AVEN: variants seen among roughly 807,000 people sequenced by gnomAD.
AVEN encodes the protein cell death regulator Aven.
AVEN carries 41 observed loss-of-function variants against 38.1 expected under a neutral mutation model. The observed-to-expected ratio is 1.08, with a 90% CI of 0.84 to 1.40. The LOEUF is 1.40. AVEN is among the 40% of genes most tolerant of loss of function. The probability of loss-of-function intolerance (pLI) is 0.00; values close to 1 mark genes in which losing one functional copy is unlikely to be tolerated. For synonymous variants in AVEN, 206 were observed against 171.8 expected (o/e 1.20, Z -1.56); for missense variants, 605 against 438.8 (o/e 1.38, Z -3.38).
chr15:34,052,173 G>A (rs1317156197), intron 5 of AVEN, among the ~76,000 whole-genome samples: 1 of 152,096 alleles, frequency 6.6e-6, no homozygotes, highest in African/African-American at 2.4e-5. Context: ...TTCATCCCTG[G>A]GATGCAAGGT....
chr15:34,061,666 G>A (rs917288192), intron 5 of AVEN, among the ~76,000 whole-genome samples: 10 of 152,290 alleles, frequency 6.6e-5, no homozygotes, highest in African/African-American at 1.9e-4. Context: ...TATAAGGAAT[G>A]TATTACTCTA....
chr15:33,885,515 T>G (rs8033236), intron 2 of AVEN: 1 of 152,098 alleles, frequency 6.6e-6, no homozygotes, highest in South Asian at 2.1e-4. Context: ...ACTATGCAAG[T>G]CACTACGGTG....
At position 33,871,044 on chromosome 15, in the gene AVEN, T is replaced by A; in HGVS notation, c.517-14A>T. ...AAATGCTGAATTCTATATATATATA[T>A]AAAAGAAAATAAAATATCAGGTGAT... On this transcript the variant is annotated splice_polypyrimidine_tract_variant and intron_variant, in intron 3 of 5. Transcript: ENST00000306730. 1.5e-6 allele frequency: 2 copies of A among 1,335,388 alleles called. No individual in the cohort carries two copies. The highest frequency in any genetic ancestry group is 2.8e-5 in the Admixed American group (1 of 35,898). The allele number at this position is 1,335,388 out of a possible 1,614,324, so 82.7% of individuals were successfully genotyped here. A position where few individuals can be genotyped will look rare whatever the true frequency, so the allele number is the denominator to read the frequency against.
At chr15:33,875,403 A>G (rs1891176037) in intron 3 of AVEN, among the ~76,000 whole-genome samples, 1 of 152,308 alleles carries the variant, frequency 6.6e-6, no homozygotes, top group East Asian at 1.9e-4. Context: ...GGAAGAAAAT[A>G]TTACATACAC....
intron 2 of AVEN, among the ~76,000 whole-genome samples, chr15:33,988,444 C>G (rs995595573): frequency 1.3e-5 from 2 of 152,052 alleles, no homozygotes; most frequent in Admixed American, 1.3e-4. Flanking sequence ...ATAATGAAAC[C>G]TACCCTATTA....
chr15:33,853,413 CTT>C, the AVEN span: 1 of 1,137,910 alleles, frequency 8.8e-7, no homozygotes, highest in East Asian at 2.6e-5. Flanking sequence ...TGGGTTTTCT[CTT>C]TTTTCTGCAT....
intron 2 of AVEN, among the ~76,000 whole-genome samples, chr15:33,924,480 G>A (rs541387739): frequency 3.9e-5 from 6 of 151,998 alleles, no homozygotes; most frequent in African/African-American, 9.7e-5. Flanking sequence ...CCACCAAACC[G>A]AGCTAAATTT....
intron 2 of AVEN, among the ~76,000 whole-genome samples, chr15:33,892,342 G>C (rs1892018308): frequency 6.6e-6 from 1 of 152,166 alleles, no homozygotes; most frequent in African/African-American, 2.4e-5. Context: ...TTTTCTTCTA[G>C]GGTTTTTATG....
chr15:33,853,348 T>C, the AVEN span, among the ~76,000 whole-genome samples: 3 of 152,190 alleles, frequency 2.0e-5, no homozygotes, highest in African/African-American at 7.2e-5. Context: ...AATCAAGATA[T>C]CAGTATCAGC....
chr15:33,903,215 G>C (rs960137156), intron 2 of AVEN, among the ~76,000 whole-genome samples: 1 of 152,196 alleles, frequency 6.6e-6, no homozygotes, highest in South Asian at 2.1e-4. Flanking sequence ...TCCATTCTTA[G>C]TATTATGTGG....
At chr15:34,020,289 T>C (rs554728819) in intron 1 of AVEN, among the ~76,000 whole-genome samples, 2 of 150,566 alleles carry the variant, frequency 1.3e-5, no homozygotes, top group East Asian at 3.9e-4. Flanking sequence ...CTAGCCTGGG[T>C]GACCGAGCGA....
chr15:34,031,168 A>ATTTTTTTTTTTTTTTTTTT, intron 1 of AVEN, among the ~76,000 whole-genome samples: 1 of 67,590 alleles, frequency 1.5e-5, no homozygotes, highest in Non-Finnish European at 2.5e-5. Context: ...GCTTAGGTTA[A>ATTTTTTTTTTTTTTTTTTT]TTTTTTTTTT....
At chr15:34,011,738 T>C (rs1416995180) in intron 1 of AVEN, among the ~76,000 whole-genome samples, 3 of 152,190 alleles carry the variant, frequency 2.0e-5, no homozygotes, top group Admixed American at 6.5e-5. Context: ...TAAGTCCTTA[T>C]ATCTTTCTCA....
At chr15:33,932,830 TAAACAAAC>T (rs1280491817) in intron 2 of AVEN, among the ~76,000 whole-genome samples, 2 of 142,662 alleles carry the variant, frequency 1.4e-5, no homozygotes, top group Admixed American at 1.4e-4. Flanking sequence ...CATCACAAAA[TAAACAAAC>T]AAATAAATAA....
chr15:33,945,223 G>C (rs2702289), intron 2 of AVEN, among the ~76,000 whole-genome samples: 4 of 152,088 alleles, frequency 2.6e-5, no homozygotes, highest in African/African-American at 9.7e-5. Flanking sequence ...TCGCTTATAA[G>C]AACAAGCCCA....
chr15:33,944,811 A>C (rs1310851423), intron 2 of AVEN, among the ~76,000 whole-genome samples: 1 of 150,424 alleles, frequency 6.6e-6, no homozygotes, highest in Admixed American at 6.6e-5. Context: ...TCAGTCTCGA[A>C]AAAAAAAAAA....
In AVEN at chr15:34,014,390, A is replaced by AAAAAAAAAAAAAAAAG. The variant is rs1897784377; in HGVS notation, c.268-11182_268-11181insCTTTTTTTTTTTTTTT. ...ATTAAAAAAAAAAAAAAAAACAAAA[A>AAAAAAAAAAAAAAAAG]CAAAAACCACGTTTGAGGATTCTGG... On this transcript the variant is annotated intron_variant, in intron 1 of 5. Coordinates refer to ENST00000306730, the MANE Select transcript of AVEN (RefSeq NM_020371.3). Among the ~76,000 whole-genome samples the AAAAAAAAAAAAAAAAG allele has an allele frequency of 7.1e-5, 2 of 28,254 alleles. 1 individual carries two copies. Among genetic ancestry groups the AAAAAAAAAAAAAAAAG allele is most frequent in the African/African-American group, 1.2e-4 (2 of 16,342 alleles). 18.5% of individuals were successfully genotyped at this position (28,254 alleles called of 152,430 possible). A position where few individuals can be genotyped will look rare whatever the true frequency, so the allele number is the denominator to read the frequency against.
intron 4 of AVEN, chr15:34,065,487 T>C (rs1294840563): frequency 6.6e-6 from 1 of 152,198 alleles, no homozygotes; most frequent in East Asian, 1.9e-4. Context: ...TCTTTTTTTA[T>C]AGGTCCTTCA....
At chr15:34,049,210 T>G (rs1282550676) in intron 5 of AVEN, among the ~76,000 whole-genome samples, 1 of 152,180 alleles carries the variant, frequency 6.6e-6, no homozygotes, top group Non-Finnish European at 1.5e-5. Context: ...CTGAGATGGC[T>G]GAATTGACAG....
Sources: allele counts gnomAD v4.1 joint callset (sites outside exome capture counted in the v4.1 genomes callset), GRCh38; gene constraint gnomAD v4.1.1; transcripts MANE v1.5; gene names NCBI Gene and HGNC (gene_info 2026-07-23, HGNC 2026-07-21).